The following PTPN4 variants were observed in gnomAD, a reference collection of about 807,000 sequenced individuals.
The protein encoded by PTPN4 is protein tyrosine phosphatase non-receptor type 4.
Under a neutral mutation model 135.5 loss-of-function variants are expected in PTPN4, and 49 were observed. The observed-to-expected ratio is 0.36, with a 90% CI of 0.29 to 0.46. PTPN4 has a LOEUF of 0.46. Ranked by LOEUF, PTPN4 falls within the 20% of genes least tolerant of loss-of-function variation. The pLI is 1.00. For synonymous variants in PTPN4, 333 were observed against 369.9 expected, an observed-to-expected ratio of 0.90 and a Z score of 1.14; for missense variants, 860 against 1,101.0, an observed-to-expected ratio of 0.78 and a Z score of 3.10.
chr2:119,789,445 G>GT (rs1415476260), intron 1 of PTPN4, among the ~76,000 whole-genome samples: 3 of 152,038 alleles, frequency 2.0e-5, no homozygotes, highest in Admixed American at 1.3e-4. Flanking sequence ...CAATTTATCT[G>GT]TTTTTTTCTT....
chr2:119,819,409 T>C (rs1414998914), intron 2 of PTPN4, among the ~76,000 whole-genome samples: 2 of 152,242 alleles, frequency 1.3e-5, no homozygotes, highest in African/African-American at 2.4e-5. Context: ...TTTTAAAATA[T>C]GAAAACGTAT....
intron 2 of PTPN4, among the ~76,000 whole-genome samples, chr2:119,840,739 C>T (rs1677367658): frequency 1.3e-5 from 2 of 152,240 alleles, no homozygotes; most frequent in South Asian, 4.1e-4. Context: ...TTCTCCACAA[C>T]CTCACCAGCA....
chr2:119,863,256 A>T (rs1219138480), intron 3 of PTPN4, among the ~76,000 whole-genome samples: 1 of 152,124 alleles, frequency 6.6e-6, no homozygotes, highest in Admixed American at 6.6e-5. Context: ...TTACTTTGAC[A>T]ATTAAGTGTT....
intron 5 of PTPN4, chr2:119,880,244 C>T (rs925414218): frequency 8.5e-5 from 13 of 152,094 alleles, no homozygotes; most frequent in Non-Finnish European, 1.6e-4. Context: ...TTGCCTAGGA[C>T]TTGAATTCTG....
chr2:119,905,136 A>G (rs893263791), intron 10 of PTPN4, among the ~76,000 whole-genome samples: 10 of 152,174 alleles, frequency 6.6e-5, no homozygotes, highest in Admixed American at 3.9e-4. Context: ...TAACAAGAAT[A>G]GATCTTTACT....
At chr2:119,806,042 A>C (rs1273429283) in intron 1 of PTPN4, among the ~76,000 whole-genome samples, 1 of 152,004 alleles carries the variant, frequency 6.6e-6, no homozygotes, top group African/African-American at 2.4e-5. Flanking sequence ...AGATTTTGTC[A>C]CCACCAGGCC....
chr2:119,769,336 C>T (rs1245573664), intron 1 of PTPN4, among the ~76,000 whole-genome samples: 1 of 152,152 alleles, frequency 6.6e-6, no homozygotes, highest in African/African-American at 2.4e-5. Context: ...AGTTGGTTTT[C>T]CAGTGTGTTC....
Position 119,889,337 on chromosome 2 carries a change from G to A in PTPN4, c.675+3455G>A, listed in dbSNP as rs1359281181. On this transcript the variant is annotated intron_variant, in intron 9 of 26. Transcript: ENST00000263708. ...CGGGAGGCTGAGGCAGGAGAATGGT[G>A]TGAACCCTGGAGGCGGAGCTTGCAG... Among the ~76,000 whole-genome samples, 4 of 152,116 alleles carry A rather than the reference G, an allele frequency of 2.6e-5. No individual in the cohort carries two copies. The East Asian group carries it at 5.8e-4, about 22-fold the overall frequency.
At chr2:119,976,865 GTT>G in intron 26 of PTPN4, 117 bp from the exon 27 acceptor site, 2 of 1,474,382 alleles carry the variant, frequency 1.4e-6, no homozygotes, top group Middle Eastern at 2.5e-4. Context: ...TCTTTATGCA[GTT>G]TTGTTTTGCA....
chr2:119,938,518 T>C lies in PTPN4; in HGVS notation c.1355+3560T>C, dbSNP rs148884271. ...CCTTTAGTACATTTTAGGCAAATTA[T>C]TGGTTTTAAATATGTTAAAACAATT... On this transcript the variant is annotated intron_variant, in intron 15 of 26. Transcript: ENST00000263708. Among the ~76,000 whole-genome samples the C allele has an allele frequency of 7.3e-3, 1,117 of 152,270 alleles. 13 individuals are homozygous for C. The highest frequency in any genetic ancestry group is 0.025 in the African/African-American group (1,054 of 41,532).
intron 23 of PTPN4, among the ~76,000 whole-genome samples, chr2:119,961,340 A>G (rs1254107560): frequency 6.6e-6 from 1 of 152,254 alleles, no homozygotes; most frequent in East Asian, 1.9e-4. Flanking sequence ...CAACATCATT[A>G]TCAGGGAGAT....
rs989408164 is a variant in PTPN4, at chr2:119,979,146, G to T, written c.*2076G>T. 2.0e-5 allele frequency: 3 copies of T among 152,074 alleles called. No homozygotes were observed. 9.4% of individuals were successfully genotyped at this position (152,074 alleles called of 1,614,324 possible). A position where few individuals can be genotyped will look rare whatever the true frequency, so the allele number is the denominator to read the frequency against. ...TTAAAAACTGAGAAAGTAAAATTAT[G>T]TCGGGGTCTACACATTAAATGACTG... On this transcript the variant is annotated 3_prime_UTR_variant, in exon 27 of 27. Transcript: ENST00000263708.
At chr2:119,797,521 C>T (rs78251819) in intron 1 of PTPN4, among the ~76,000 whole-genome samples, 199 of 152,230 alleles carry the variant, frequency 1.3e-3, no homozygotes, top group African/African-American at 4.6e-3. Flanking sequence ...CCATTAAGTG[C>T]GATGTTGAAT....
rs1677777680 is a variant in PTPN4 at position 119,862,639 on chromosome 2, A to G, written c.242A>G (p.Asn81Ser). 2 of 1,601,940 alleles carry G rather than the reference A, an allele frequency of 1.2e-6. No homozygotes were observed. The highest frequency in any genetic ancestry group is 1.7e-6 in the Non-Finnish European group (2 of 1,170,608). Reference sequence around the variant, plus strand: ...CAGTTGGCTGATGATTCCACAGATAACCCAGTAAGTGTAAGATTTTGTCTT... The same window carrying G: ...CAGTTGGCTGATGATTCCACAGATAGCCCAGTAAGTGTAAGATTTTGTCTT... ...GLQLADDSTD[N>S]PRWLDPNKPI... The change falls in exon 3 of 27, where the codon AAC becomes AGC. Residue 81 changes from asparagine to serine, a missense_variant. Asn to Ser is a conservative substitution (Grantham distance 46, BLOSUM62 1). Coordinates refer to ENST00000263708, the MANE Select transcript of PTPN4 (RefSeq NM_002830.4).
intron 2 of PTPN4, among the ~76,000 whole-genome samples, chr2:119,818,561 C>T (rs1197779097): frequency 6.6e-6 from 1 of 152,206 alleles, no homozygotes; most frequent in Non-Finnish European, 1.5e-5. Context: ...CAGCTATGAG[C>T]CACCATGCCC....
chr2:119,813,333 C>T (rs1241622988), intron 2 of PTPN4, among the ~76,000 whole-genome samples: 7 of 151,982 alleles, frequency 4.6e-5, no homozygotes, highest in African/African-American at 1.2e-4. Flanking sequence ...CCGCAACCTC[C>T]GTCTCCCAGG....
At chr2:119,941,876 G>A (rs1679066638) in intron 15 of PTPN4, among the ~76,000 whole-genome samples, 2 of 152,104 alleles carry the variant, frequency 1.3e-5, no homozygotes, top group East Asian at 1.9e-4. Flanking sequence ...CAAGTAGCAC[G>A]GGATGGAGAT....
At chr2:119,815,706 T>C (rs1293196857) in intron 2 of PTPN4, among the ~76,000 whole-genome samples, 1 of 152,218 alleles carries the variant, frequency 6.6e-6, no homozygotes, top group Non-Finnish European at 1.5e-5. Flanking sequence ...TTAATAATTA[T>C]TGAATACCTA....
intron 9 of PTPN4, among the ~76,000 whole-genome samples, chr2:119,891,357 C>G (rs1021833556): frequency 1.4e-4 from 21 of 152,128 alleles, no homozygotes; most frequent in African/African-American, 5.1e-4. Context: ...GAGTCTTGCT[C>G]TGTTGCCCAG....
Sources: allele counts gnomAD v4.1 joint callset (sites outside exome capture counted in the v4.1 genomes callset), GRCh38; gene constraint gnomAD v4.1.1; transcripts MANE v1.5; gene names NCBI Gene and HGNC (gene_info 2026-07-23, HGNC 2026-07-21).